Variants in ZNF385D observed in about 807,000 individuals in gnomAD.
ZNF385D encodes zinc finger protein 385D.
In ZNF385D, 15 loss-of-function variants were observed where a neutral mutation model predicts 35.8. The ratio of observed to expected loss-of-function variants is 0.42; its 90% CI spans 0.28 to 0.64. The LOEUF (loss-of-function observed/expected upper bound fraction) is 0.64. Among genes scored for constraint, ZNF385D ranks in the 30% least tolerant of loss-of-function variants. The pLI is 0.23. For missense variants in ZNF385D, 474 were observed against 494.6 expected, an observed-to-expected ratio of 0.96 and a Z score of 0.39; for synonymous variants, 212 against 186.8, an observed-to-expected ratio of 1.13 and a Z score of -1.10.
At chr3:21,766,954 G>A (rs1383400409) in intron 3 of ZNF385D, among the ~76,000 whole-genome samples, 7 of 152,034 alleles carry the variant, frequency 4.6e-5, no homozygotes, top group African/African-American at 1.7e-4. Flanking sequence ...CTTGACTCAA[G>A]TTGTGAGCTC....
chr3:22,162,340 A>G (rs1706014035), intron 3 of ZNF385D, among the ~76,000 whole-genome samples: 1 of 152,214 alleles, frequency 6.6e-6, no homozygotes, highest in African/African-American at 2.4e-5. Flanking sequence ...GAGGGTTTAC[A>G]TCTGTATAGA....
chr3:22,302,438 G>C (rs184744913), intron 2 of ZNF385D, among the ~76,000 whole-genome samples: 18 of 151,698 alleles, frequency 1.2e-4, no homozygotes, highest in African/African-American at 4.1e-4. Context: ...CCTCTTCTGT[G>C]AATGTCCTGT....
intron 2 of ZNF385D, among the ~76,000 whole-genome samples, chr3:22,199,472 G>T (rs1294861937): frequency 2.0e-5 from 3 of 152,024 alleles, no homozygotes; most frequent in African/African-American, 7.2e-5. Flanking sequence ...GTAATATTAG[G>T]TTCAATGTTT....
At chr3:21,448,462 G>C (rs1464598135) in intron 4 of ZNF385D, among the ~76,000 whole-genome samples, 1 of 152,040 alleles carries the variant, frequency 6.6e-6, no homozygotes, top group East Asian at 1.9e-4. Flanking sequence ...ATGATTTCTT[G>C]ATAGAATTTC....
At chr3:21,924,377 G>A (rs13092430) in intron 3 of ZNF385D, among the ~76,000 whole-genome samples, 2 of 151,726 alleles carry the variant, frequency 1.3e-5, no homozygotes, top group Admixed American at 1.3e-4. Context: ...AGCTCCCAAA[G>A]ACATCAAAGA....
chr3:21,817,352 G>C (rs1459512631), intron 3 of ZNF385D, among the ~76,000 whole-genome samples: 2 of 152,140 alleles, frequency 1.3e-5, no homozygotes, highest in African/African-American at 4.8e-5. Context: ...ATTAAATAAA[G>C]AGTTTCTGCA....
At chr3:22,223,491 T>C (rs146874606) in intron 2 of ZNF385D, among the ~76,000 whole-genome samples, 1 of 152,244 alleles carries the variant, frequency 6.6e-6, no homozygotes, top group African/African-American at 2.4e-5. Flanking sequence ...TTCTTATCTG[T>C]AAATTGGGGG....
At chr3:21,829,747 A>G (rs770857813) in intron 3 of ZNF385D, among the ~76,000 whole-genome samples, 17 of 151,844 alleles carry the variant, frequency 1.1e-4, no homozygotes, top group Non-Finnish European at 2.2e-4. Context: ...TTATTGAAAT[A>G]TATACGGTTG....
chr3:22,141,832 AGT>A (rs1194655038), intron 3 of ZNF385D, among the ~76,000 whole-genome samples: 2 of 152,258 alleles, frequency 1.3e-5, no homozygotes, highest in Non-Finnish European at 2.9e-5. Context: ...GCCTAGAAAC[AGT>A]AAATACCTTG....
chr3:22,036,222 C>A (rs891298037), intron 3 of ZNF385D, among the ~76,000 whole-genome samples: 2 of 152,110 alleles, frequency 1.3e-5, no homozygotes, highest in Non-Finnish European at 2.9e-5. Flanking sequence ...GTACTCAATT[C>A]TTCTCAGAGG....
chr3:22,030,491 AAG>A (rs1697932348), intron 3 of ZNF385D, among the ~76,000 whole-genome samples: 2 of 150,566 alleles, frequency 1.3e-5, no homozygotes, highest in South Asian at 4.2e-4. Context: ...CAGAGAGAGA[AAG>A]AGAGTGAGAG....
chr3:21,630,393 C>T (rs144377203), intron 2 of ZNF385D, among the ~76,000 whole-genome samples: 2,285 of 151,964 alleles, frequency 0.015, 50 homozygotes, highest in African/African-American at 0.05. Flanking sequence ...TTAGTAGAGA[C>T]GGGGTTTCTC....
chr3:21,510,747 C>T, intron 4 of ZNF385D, 114 bp downstream of exon 4: 2 of 1,347,268 alleles, frequency 1.5e-6, no homozygotes, highest in Non-Finnish European at 1.0e-6. Context: ...AGAAAGATGG[C>T]TCAAGCATGA....
chr3:21,852,863 T>C (rs1696470690), intron 3 of ZNF385D, among the ~76,000 whole-genome samples: 1 of 151,860 alleles, frequency 6.6e-6, no homozygotes, highest in Non-Finnish European at 1.5e-5. Context: ...AGAAATAATG[T>C]TCTCTCTAAA....
intron 2 of ZNF385D, among the ~76,000 whole-genome samples, chr3:22,294,975 ATATC>A: frequency 6.6e-6 from 1 of 152,166 alleles, no homozygotes; most frequent in Middle Eastern, 3.4e-3. Context: ...CTATCTCTGT[ATATC>A]TATTTATACA....
chr3:21,600,885 AGTC>A (rs2064268027), intron 2 of ZNF385D, among the ~76,000 whole-genome samples: 1 of 151,570 alleles, frequency 6.6e-6, no homozygotes, highest in Non-Finnish European at 1.5e-5. Flanking sequence ...AAAAATAATA[AGTC>A]AAAGGGATGA....
At chr3:22,182,610 A>G (rs959962542) in intron 2 of ZNF385D, among the ~76,000 whole-genome samples, 1 of 152,006 alleles carries the variant, frequency 6.6e-6, no homozygotes, top group Non-Finnish European at 1.5e-5. Context: ...TGACTTAGAG[A>G]GAGTAGAAAC....
intron 2 of ZNF385D, among the ~76,000 whole-genome samples, chr3:22,238,692 T>C (rs934668960): frequency 2.0e-5 from 3 of 150,924 alleles, no homozygotes; most frequent in Non-Finnish European, 4.4e-5. Flanking sequence ...GTGTATGTAT[T>C]TGTGTGTATA....
At chr3:21,662,542 C>G (rs2066271502) in intron 2 of ZNF385D, among the ~76,000 whole-genome samples, 1 of 152,100 alleles carries the variant, frequency 6.6e-6, no homozygotes, top group Non-Finnish European at 1.5e-5. Flanking sequence ...ATCAAGAACT[C>G]AGACTGTTAC....
Sources: allele counts gnomAD v4.1 joint callset (sites outside exome capture counted in the v4.1 genomes callset), GRCh38; gene constraint gnomAD v4.1.1; transcripts MANE v1.5; gene names NCBI Gene and HGNC (gene_info 2026-07-23, HGNC 2026-07-21).